The following SESTD1 variants were observed in gnomAD, a reference collection of about 807,000 sequenced individuals.
SESTD1 encodes the protein SEC14 domain and spectrin repeat-containing protein 1.
Under a neutral mutation model 101.7 loss-of-function variants are expected in SESTD1, and 43 were observed. The ratio of observed to expected loss-of-function variants is 0.42; its 90% CI spans 0.33 to 0.55. The LOEUF (loss-of-function observed/expected upper bound fraction) is 0.55. Ranked by LOEUF, SESTD1 falls within the 20% of genes least tolerant of loss-of-function variation. The pLI, the probability that SESTD1 is intolerant of heterozygous loss-of-function variation, is 0.07. For synonymous variants in SESTD1, 283 were observed against 286.8 expected (o/e 0.99, Z 0.13); for missense variants, 647 against 815.1 (o/e 0.79, Z 2.51).
At chr2:179,243,587 A>C (rs1014528073) in intron 1 of SESTD1, among the ~76,000 whole-genome samples, 1 of 152,194 alleles carries the variant, frequency 6.6e-6, no homozygotes, top group African/African-American at 2.4e-5. Flanking sequence ...ATAAAAAAGA[A>C]GGAAATCAAG....
intron 1 of SESTD1, among the ~76,000 whole-genome samples, chr2:179,194,585 C>T (rs1312443937): frequency 2.0e-5 from 3 of 152,036 alleles, no homozygotes; most frequent in African/African-American, 7.3e-5. Context: ...AAGTGCATAC[C>T]CCAAACCCCC....
intron 1 of SESTD1, among the ~76,000 whole-genome samples, chr2:179,217,153 A>G (rs1404450247): frequency 2.6e-5 from 4 of 152,228 alleles, no homozygotes; most frequent in Non-Finnish European, 5.9e-5. Flanking sequence ...TAAACTAAAG[A>G]GCTTCTGCAT....
At chr2:179,129,287 A>G (rs975726659) in intron 10 of SESTD1, among the ~76,000 whole-genome samples, 1 of 152,174 alleles carries the variant, frequency 6.6e-6, no homozygotes, top group East Asian at 1.9e-4. Flanking sequence ...TTTTCCTACC[A>G]CACACTTTCT....
chr2:179,172,888 C>T (rs575578614), intron 4 of SESTD1, among the ~76,000 whole-genome samples: 2 of 152,140 alleles, frequency 1.3e-5, no homozygotes, highest in Admixed American at 6.5e-5. Flanking sequence ...CAAGTTCTAC[C>T]GCCTGCATTG....
chr2:179,122,020 A>G (rs944018323), intron 12 of SESTD1, 91 bp from the exon 13 acceptor site: 27 of 1,306,424 alleles, frequency 2.1e-5, no homozygotes, highest in Non-Finnish European at 2.6e-5. Context: ...TTGTACCTGG[A>G]TCCCAAGTAT....
rs1221073578 is a variant in SESTD1 at position 179,110,011 on chromosome 2, C to T, written c.1979G>A (p.Gly660Glu). The T allele has an allele frequency of 5.6e-6, 9 of 1,612,676 alleles. No individual in the cohort carries two copies. The East Asian group carries it at 1.6e-4, about 28-fold the overall frequency. Residue 660 changes from glycine to glutamate, a missense_variant, in exon 18 of 18, where the codon GGG (glycine) becomes GAG (glutamate). Around this residue, in one of 3 missense-constraint regions of SESTD1, gnomAD observed 476 missense variants for 562.6 expected, o/e 0.85. Transcript: ENST00000428443. ...AGTAGAAGCCATGTCACTTGGACTC[C>T]CAAAATATTGTTCGGTTCTAAAAAT... ...VYPDGTEQYF[G>E]SPSDMASTAE...
chr2:179,136,058 G>C (rs1232841350), intron 9 of SESTD1, among the ~76,000 whole-genome samples: 1 of 152,116 alleles, frequency 6.6e-6, no homozygotes, highest in Non-Finnish European at 1.5e-5. Context: ...TCACGAAAGA[G>C]ACAGGTAAGC....
Position 179,138,115 on chromosome 2 carries a change from CTGAATA to C in SESTD1, c.849+5471_849+5476del, listed in dbSNP as rs981545495. Among the ~76,000 whole-genome samples, 710 of 152,158 alleles carry C rather than the reference CTGAATA, an allele frequency of 4.7e-3. 5 individuals carry two copies. Among genetic ancestry groups the C allele is most frequent in the African/African-American group, 0.016 (672 of 41,492 alleles). On this transcript the variant is annotated intron_variant, in intron 9 of 17. Transcript: ENST00000428443. Reference sequence around the variant, plus strand: ...TCACTTGTTATCCTGATAAAGAAAACTGAATATGAAGTTTACCAGTTTTTAACAGTA... The same window carrying C: ...TCACTTGTTATCCTGATAAAGAAAACTGAAGTTTACCAGTTTTTAACAGTA...
At chr2:179,223,360 T>A (rs1003518326) in intron 1 of SESTD1, among the ~76,000 whole-genome samples, 1 of 152,156 alleles carries the variant, frequency 6.6e-6, no homozygotes, top group Admixed American at 6.6e-5. Flanking sequence ...ATTGTGGTAA[T>A]GGCTGCACAG....
At chr2:179,113,604 T>A (rs1210702905) in intron 16 of SESTD1, among the ~76,000 whole-genome samples, 2 of 152,226 alleles carry the variant, frequency 1.3e-5, no homozygotes, top group African/African-American at 2.4e-5. Context: ...GCATTACTCA[T>A]GAACGGACAT....
chr2:179,247,198 A>G (rs2105552154), intron 1 of SESTD1, among the ~76,000 whole-genome samples: 1 of 151,992 alleles, frequency 6.6e-6, no homozygotes, highest in Non-Finnish European at 1.5e-5. Context: ...TTGATATATA[A>G]TGCATGCTGA....
rs1358051802 is a variant in SESTD1 at position 179,202,972 on chromosome 2, G to C, written c.-25-11106C>G. On this transcript the variant is annotated intron_variant, in intron 1 of 17. Transcript: ENST00000428443. ...CCCTAGGCATGCCAGACAGCAGTTG[G>C]AAGATGAGACCTCCACCTCATTGCC... Among the ~76,000 whole-genome samples, 29 of 135,034 alleles carry C rather than the reference G, an allele frequency of 2.1e-4. 6 individuals carry two copies. Among genetic ancestry groups the C allele is most frequent in the Non-Finnish European group, 6.4e-5 (4 of 62,742 alleles). 88.6% of individuals were successfully genotyped at this position (135,034 alleles called of 152,430 possible).
At chr2:179,158,506 G>T (rs1559120048) in intron 5 of SESTD1, among the ~76,000 whole-genome samples, 1 of 152,044 alleles carries the variant, frequency 6.6e-6, no homozygotes, top group East Asian at 1.9e-4. Context: ...TCTCTTAAAA[G>T]CTCTTTTTCC....
At chr2:179,163,868 C>T (rs1349498243) in intron 5 of SESTD1, among the ~76,000 whole-genome samples, 2 of 152,064 alleles carry the variant, frequency 1.3e-5, no homozygotes, top group Non-Finnish European at 2.9e-5. Context: ...CAAATTTTAA[C>T]TTGCAGAAAG....
intron 1 of SESTD1, among the ~76,000 whole-genome samples, chr2:179,253,053 C>T (rs959984354): frequency 6.6e-6 from 1 of 152,092 alleles, no homozygotes; most frequent in Non-Finnish European, 1.5e-5. Flanking sequence ...ACATAGGTGG[C>T]TAGGCTGACC....
At chr2:179,200,159 C>T (rs1215792855) in intron 1 of SESTD1, among the ~76,000 whole-genome samples, 1 of 151,994 alleles carries the variant, frequency 6.6e-6, no homozygotes, top group African/African-American at 2.4e-5. Flanking sequence ...CATGAGTGAA[C>T]TCCCATTCAC....
At chr2:179,174,775 A>G (rs1016026825) in intron 4 of SESTD1, among the ~76,000 whole-genome samples, 1 of 152,074 alleles carries the variant, frequency 6.6e-6, no homozygotes, top group Non-Finnish European at 1.5e-5. Context: ...AGCTGGAGCA[A>G]TATAGTCTCT....
At chr2:179,221,556 T>G (rs947534380) in intron 1 of SESTD1, among the ~76,000 whole-genome samples, 17 of 150,802 alleles carry the variant, frequency 1.1e-4, no homozygotes, top group Admixed American at 9.2e-4. Flanking sequence ...AAGGCAGAGG[T>G]TGCAGTGAGC....
intron 5 of SESTD1, among the ~76,000 whole-genome samples, chr2:179,157,501 T>A (rs1258358582): frequency 6.6e-6 from 1 of 152,150 alleles, no homozygotes; most frequent in African/African-American, 2.4e-5. Flanking sequence ...TGTCATTGTT[T>A]CTTTGTTTTC....
Sources: allele counts gnomAD v4.1 joint callset (sites outside exome capture counted in the v4.1 genomes callset), GRCh38; gene constraint gnomAD v4.1.1; regional missense constraint gnomAD v4.1.1; transcripts MANE v1.5; gene names NCBI Gene and HGNC (gene_info 2026-07-23, HGNC 2026-07-21).